The following HSF1 variants were observed in gnomAD, a reference collection of about 807,000 sequenced individuals.
The protein encoded by HSF1 is heat shock factor protein 1.
A neutral mutation model predicts 51.7 loss-of-function variants in HSF1; 32 were observed. That is an observed-to-expected ratio of 0.62 (90% confidence interval 0.47 to 0.83). The LOEUF is 0.83. HSF1 is among the 40% of genes least tolerant of loss of function. The probability of loss-of-function intolerance (pLI) is 0.00; values close to 1 mark genes in which losing one functional copy is unlikely to be tolerated. For synonymous variants in HSF1, 396 were observed against 309.7 expected, an observed-to-expected ratio of 1.28 and a Z score of -2.92; for missense variants, 727 against 717.0, an observed-to-expected ratio of 1.01 and a Z score of -0.16.
At chr8:144,309,295 T>C in intron 2 of HSF1, 160 bp from the exon 3 acceptor site, 1 of 965,018 alleles carries the variant, frequency 1.0e-6, no homozygotes, top group African/African-American at 1.6e-5. Flanking sequence ...GGGTCTCCCT[T>C]AGACCAAGGC....
intron 10 of HSF1, 47 bp downstream of exon 10, chr8:144,313,663 G>GCCTCCCCGCCC (rs1588669995): frequency 3.2e-5 from 3 of 93,486 alleles, no homozygotes; most frequent in African/African-American, 3.2e-4. Context: ...CCTCCCCGCC[G>GCCTCCCCGCCC]CGCCGCCCCG....
At chr8:144,302,191 C>G (rs1329276274) in intron 1 of HSF1, among the ~76,000 whole-genome samples, 1 of 148,524 alleles carries the variant, frequency 6.7e-6, no homozygotes, top group Admixed American at 6.7e-5. Flanking sequence ...TTTTTTGCAA[C>G]TCAGGAAGAC....
chr8:144,291,911 C>T lies in HSF1; in HGVS notation c.117+37C>T, dbSNP rs1554840460. The T allele has an allele frequency of 4.1e-6, 5 of 1,231,358 alleles. No individual in the cohort carries two copies. Among genetic ancestry groups the T allele is most frequent in the Admixed American group, 6.5e-5 (2 of 30,892 alleles). 76.3% of individuals were successfully genotyped at this position (1,231,358 alleles called of 1,614,324 possible). On this transcript the variant is annotated intron_variant, in intron 1 of 12. Transcript: ENST00000528838. The surrounding 1 kb of genome is among the most constrained non-coding windows in gnomAD (Gnocchi z 4.1). ...GCGCGGGCGCGGGGCCCGTGGGGAC[C>T]GGGAGGGAGCAGGGCCGCGGCGGAC...
intron 1 of HSF1, among the ~76,000 whole-genome samples, chr8:144,302,893 A>G (rs952963481): frequency 3.3e-5 from 5 of 152,080 alleles, no homozygotes; most frequent in Non-Finnish European, 7.3e-5. Context: ...AATAGCAAAT[A>G]AGCACTTGAA....
In HSF1 at chr8:144,312,196, C is replaced by G. The variant is rs782124120; in HGVS notation, c.1094C>G (p.Pro365Arg). Residue 365 changes from proline to arginine, a missense_variant, in exon 9 of 13, where the codon CCG (proline) becomes CGG (arginine). By Grantham distance (103) the Pro-to-Arg change is moderately radical. Around this residue, in one of 2 missense-constraint regions of HSF1, gnomAD observed 470 missense variants for 398.8 expected, o/e 1.18. Coordinates refer to ENST00000528838, the MANE Select transcript of HSF1 (RefSeq NM_005526.4). ...ACCGAGGGCCGGCCTCCCTCCCCCC[C>G]GCCCACCTCCACCCCTGAAAAGTGC... Reference protein sequence around the residue: ...TDTEGRPPSPPPTSTPEKCLS... With the variant: ...TDTEGRPPSPRPTSTPEKCLS... 5.7e-6 allele frequency: 9 copies of G among 1,591,104 alleles called. No individual in the cohort carries two copies. The highest frequency in any genetic ancestry group is 3.3e-5 in the South Asian group (3 of 90,150).
At chr8:144,312,563 C>T (rs1816752912) in intron 9 of HSF1, 4 of 1,329,654 alleles carry the variant, frequency 3.0e-6, no homozygotes, top group South Asian at 2.5e-5. Context: ...AGATGGTGAG[C>T]AGGGCCGGCC....
At chr8:144,311,424 G>C (rs782024544) in intron 6 of HSF1, 42 bp downstream of exon 6, 2 of 1,613,238 alleles carry the variant, frequency 1.2e-6, no homozygotes, top group South Asian at 2.2e-5. Flanking sequence ...CCGGGGCCCA[G>C]GGCTGTCCCC....
chr8:144,302,447 C>T (rs1293921640), intron 1 of HSF1, among the ~76,000 whole-genome samples: 4 of 151,514 alleles, frequency 2.6e-5, no homozygotes, highest in Admixed American at 2.6e-4. Context: ...GCAGAGGTTG[C>T]AGTGAGCTGA....
intron 9 of HSF1, 42 bp downstream of exon 9, chr8:144,312,286 C>T (rs782784513): frequency 2.0e-5 from 28 of 1,404,054 alleles, no homozygotes; most frequent in South Asian, 5.2e-5. Flanking sequence ...AGCGCCTGGA[C>T]GCACAGCCCT....
chr8:144,299,901 C>T (rs1190689800), intron 1 of HSF1, among the ~76,000 whole-genome samples: 13 of 151,962 alleles, frequency 8.6e-5, no homozygotes, highest in African/African-American at 3.1e-4. Context: ...AGAGCGAGAC[C>T]CCGTCTCAAA....
chr8:144,301,588 C>T (rs782223877), intron 1 of HSF1, among the ~76,000 whole-genome samples: 4 of 151,994 alleles, frequency 2.6e-5, no homozygotes, highest in Non-Finnish European at 5.9e-5. Flanking sequence ...CAGAAGAGGC[C>T]GGGCGCGGTG....
chr8:144,306,124 C>T (rs1816215015), intron 1 of HSF1, among the ~76,000 whole-genome samples: 1 of 152,152 alleles, frequency 6.6e-6, no homozygotes, highest in East Asian at 1.9e-4. Flanking sequence ...TTTATTGATA[C>T]TCTCTGATAA....
intron 1 of HSF1, among the ~76,000 whole-genome samples, chr8:144,305,006 G>C (rs2130386875): frequency 6.6e-6 from 1 of 151,442 alleles, no homozygotes; most frequent in South Asian, 2.1e-4. Flanking sequence ...GGAGTGCAGT[G>C]GGGTGATCTC....
intron 1 of HSF1, among the ~76,000 whole-genome samples, chr8:144,294,766 C>A (rs566626033): frequency 1.3e-5 from 2 of 152,130 alleles, no homozygotes; most frequent in African/African-American, 2.4e-5. Context: ...TTCCCACCCC[C>A]CCCTCCCAAG....
intron 1 of HSF1, among the ~76,000 whole-genome samples, chr8:144,307,024 C>T (rs1482764376): frequency 1.1e-4 from 16 of 152,134 alleles, no homozygotes; most frequent in Admixed American, 2.6e-4. Context: ...CAAGGTCAGC[C>T]AGAAGTGAGA....
At chr8:144,303,918 A>G (rs1816055001) in intron 1 of HSF1, among the ~76,000 whole-genome samples, 1 of 152,144 alleles carries the variant, frequency 6.6e-6, no homozygotes, top group South Asian at 2.1e-4. Flanking sequence ...TGCTTTAATT[A>G]GGTGGGAGCT....
chr8:144,306,247 G>A (rs1201805695), intron 1 of HSF1, among the ~76,000 whole-genome samples: 1 of 148,298 alleles, frequency 6.7e-6, no homozygotes, highest in Admixed American at 6.7e-5. Flanking sequence ...CCAATGTTTT[G>A]GCTTCTTTGG....
Position 144,313,836 on chromosome 8 carries a change from T to TC in HSF1, c.1249-8dup, listed in dbSNP as rs782712381. The TC allele has an allele frequency of 6.8e-7, 1 of 1,479,476 alleles. No homozygotes were observed. The highest frequency in any genetic ancestry group is 2.7e-5 in the East Asian group (1 of 37,294). The allele number at this position is 1,479,476 out of a possible 1,614,324, so 91.6% of individuals were successfully genotyped here. ...CGGGTGCTGTTCTGACTTCCCTCCC[T>TC]CCTCCGCAGCTGTTCAGCCCCTCGG... On this transcript the variant is annotated splice_polypyrimidine_tract_variant and intron_variant, in intron 10 of 12. Transcript: ENST00000528838.
In HSF1 at chr8:144,312,024, C is replaced by T. The variant is rs781874957; in HGVS notation, c.922C>T (p.Pro308Ser). The T allele has an allele frequency of 6.2e-6, 10 of 1,607,570 alleles. No homozygotes were observed. Among genetic ancestry groups the T allele is most frequent in the Non-Finnish European group, 8.5e-6 (10 of 1,176,780 alleles). ...KEEPPSPPQS[P>S]RVEEASPGRP... ...GGAGCCCCCCAGCCCGCCTCAGAGCCCCCGGGTAGAGGAGGCGAGTCCCGG... is the reference window on the plus strand; with the variant it reads ...GGAGCCCCCCAGCCCGCCTCAGAGCTCCCGGGTAGAGGAGGCGAGTCCCGG... Residue 308 changes from proline (P) to serine (S), a missense_variant, in exon 9 of 13, where the codon CCC (proline) becomes TCC (serine). Transcript: ENST00000528838.
Sources: allele counts gnomAD v4.1 joint callset (sites outside exome capture counted in the v4.1 genomes callset), GRCh38; gene constraint gnomAD v4.1.1; regional missense constraint gnomAD v4.1.1; non-coding constraint Gnocchi (gnomAD v3.1); transcripts MANE v1.5; gene names NCBI Gene and HGNC (gene_info 2026-07-23, HGNC 2026-07-21).